The following CA10 variants were observed in gnomAD, a reference collection of about 807,000 sequenced individuals.
CA10 encodes carbonic anhydrase-related protein 10.
In CA10, 14 loss-of-function variants were observed where a neutral mutation model predicts 44.2. The observed-to-expected ratio is 0.32, with a 90% CI of 0.21 to 0.50. The LOEUF (loss-of-function observed/expected upper bound fraction) is 0.50, where lower values mean the gene tolerates loss of function less well. Among genes scored for constraint, CA10 ranks in the 20% least tolerant of loss-of-function variants. The probability of loss-of-function intolerance (pLI) is 0.99; values close to 1 mark genes in which losing one functional copy is unlikely to be tolerated. For synonymous variants in CA10, 159 were observed against 141.6 expected, an observed-to-expected ratio of 1.12 and a Z score of -0.87; for missense variants, 350 against 409.7, an observed-to-expected ratio of 0.85 and a Z score of 1.26.
chr17:51,852,787 A>G (rs957303181), intron 3 of CA10, among the ~76,000 whole-genome samples: 2 of 152,202 alleles, frequency 1.3e-5, no homozygotes, highest in Non-Finnish European at 2.9e-5. Flanking sequence ...GTTAAGTAAC[A>G]TTTGGCACCT....
chr17:52,130,675 G>T (rs1989218776), intron 1 of CA10, among the ~76,000 whole-genome samples: 1 of 152,054 alleles, frequency 6.6e-6, no homozygotes, highest in Non-Finnish European at 1.5e-5. Context: ...GGCGGTCAAA[G>T]GATATACATG....
chr17:51,839,970 T>C (rs1377274841), intron 3 of CA10, among the ~76,000 whole-genome samples: 3 of 152,234 alleles, frequency 2.0e-5, no homozygotes, highest in Non-Finnish European at 2.9e-5. Flanking sequence ...AGAAAGTAAA[T>C]ACTCAACTCC....
chr17:51,817,900 G>T (rs1907626578), intron 3 of CA10, among the ~76,000 whole-genome samples: 1 of 152,214 alleles, frequency 6.6e-6, no homozygotes, highest in Non-Finnish European at 1.5e-5. Context: ...GCCCACCGTG[G>T]TGTAATTAGT....
At chr17:51,996,179 G>A (rs1484159826) in intron 2 of CA10, among the ~76,000 whole-genome samples, 1 of 151,966 alleles carries the variant, frequency 6.6e-6, no homozygotes, top group Admixed American at 6.6e-5. Context: ...GTCAGAGGAA[G>A]AGCACCAATG....
chr17:51,783,424 A>G (rs1307595303), intron 3 of CA10, among the ~76,000 whole-genome samples: 2 of 152,288 alleles, frequency 1.3e-5, no homozygotes, highest in Middle Eastern at 3.4e-3. Flanking sequence ...AAATATACAA[A>G]CTAGCAACCA....
chr17:51,986,732 C>G (rs529362938), intron 2 of CA10, among the ~76,000 whole-genome samples: 2 of 151,898 alleles, frequency 1.3e-5, no homozygotes, highest in African/African-American at 4.8e-5. Context: ...AGAAGATACA[C>G]AAATGGCCGA....
chr17:51,936,519 T>C (rs989983270), intron 2 of CA10, among the ~76,000 whole-genome samples: 1 of 116,412 alleles, frequency 8.6e-6, no homozygotes, highest in Non-Finnish European at 2.0e-5. Flanking sequence ...AAGTGAGCAG[T>C]CTTGGCAGAG....
At chr17:52,079,193 G>GCTTAGTACATAATAAGTGCCA (rs1987898410) in intron 1 of CA10, among the ~76,000 whole-genome samples, 1 of 152,062 alleles carries the variant, frequency 6.6e-6, no homozygotes, top group Non-Finnish European at 1.5e-5. Flanking sequence ...GGCCAAGACA[G>GCTTAGTACATAATAAGTGCCA]GAGAATGGCG....
At chr17:52,090,580 C>T (rs1415978423) in intron 1 of CA10, among the ~76,000 whole-genome samples, 2 of 152,056 alleles carry the variant, frequency 1.3e-5, no homozygotes, top group African/African-American at 2.4e-5. Context: ...TCATAATATA[C>T]ATCCTGGATA....
chr17:51,757,756 A>C (rs1905117272), intron 3 of CA10, among the ~76,000 whole-genome samples: 1 of 152,192 alleles, frequency 6.6e-6, no homozygotes, highest in East Asian at 1.9e-4. Flanking sequence ...GTTTGTCCAG[A>C]TGTTTTATGC....
chr17:51,755,970 C>A (rs1182772712), intron 3 of CA10, among the ~76,000 whole-genome samples: 2 of 152,068 alleles, frequency 1.3e-5, no homozygotes, highest in Non-Finnish European at 2.9e-5. Context: ...ATTTACTATT[C>A]TATATGGAAT....
chr17:51,810,873 G>A (rs189324011), intron 3 of CA10, among the ~76,000 whole-genome samples: 68 of 152,302 alleles, frequency 4.5e-4, no homozygotes, highest in Admixed American at 4.1e-3. Context: ...CAAGGCCACT[G>A]CAATTCCAAT....
At chr17:52,007,302 A>G (rs1047835368) in intron 2 of CA10, among the ~76,000 whole-genome samples, 1 of 151,712 alleles carries the variant, frequency 6.6e-6, no homozygotes, top group Non-Finnish European at 1.5e-5. Flanking sequence ...AATATCTTAT[A>G]TCTTACTAAA....
At chr17:51,963,813 C>A (rs779633189) in intron 2 of CA10, among the ~76,000 whole-genome samples, 2 of 152,076 alleles carry the variant, frequency 1.3e-5, no homozygotes, top group Non-Finnish European at 2.9e-5. Context: ...CATAAAAATA[C>A]ACCTAAGTGC....
At chr17:51,966,322 T>C in intron 2 of CA10, among the ~76,000 whole-genome samples, 1 of 151,932 alleles carries the variant, frequency 6.6e-6, no homozygotes. Flanking sequence ...CCTATTATAC[T>C]ACCAATGTTA....
chr17:52,031,556 C>T (rs550324826), intron 2 of CA10, among the ~76,000 whole-genome samples: 1 of 152,164 alleles, frequency 6.6e-6, no homozygotes, highest in South Asian at 2.1e-4. Flanking sequence ...ACCAATTCAC[C>T]ACTGTATAAT....
chr17:51,979,599 C>G (rs1215462427), intron 2 of CA10, among the ~76,000 whole-genome samples: 1 of 152,124 alleles, frequency 6.6e-6, no homozygotes, highest in Non-Finnish European at 1.5e-5. Context: ...TCTATTCCTG[C>G]ATTTCATAAG....
chr17:51,968,379 T>A (rs1039105464), intron 2 of CA10, among the ~76,000 whole-genome samples: 2 of 151,886 alleles, frequency 1.3e-5, no homozygotes, highest in Non-Finnish European at 2.9e-5. Context: ...ATAGATGAAA[T>A]ACTACTCAGT....
intron 3 of CA10, among the ~76,000 whole-genome samples, chr17:51,802,341 T>A (rs899684515): frequency 2.6e-5 from 4 of 152,180 alleles, no homozygotes; most frequent in Non-Finnish European, 5.9e-5. Context: ...AACTTCCATT[T>A]TCTCATTTGC....
Sources: gnomAD v4.1 joint callset for allele counts (sites outside exome capture counted in the v4.1 genomes callset) on GRCh38, gnomAD v4.1.1 for gene constraint, MANE v1.5 for transcripts, NCBI Gene and HGNC (gene_info 2026-07-23, HGNC 2026-07-21) for gene names.